Variants in SOX6 observed in about 807,000 individuals in gnomAD.
SOX6 encodes the protein SRY-box transcription factor 6, also known as transcription factor SOX-6.
SOX6 carries 11 observed loss-of-function variants against 97.8 expected under a neutral mutation model. The observed-to-expected ratio is 0.11, with a 90% CI of 0.07 to 0.19. The LOEUF (loss-of-function observed/expected upper bound fraction) is 0.19, where lower values mean the gene tolerates loss of function less well. Ranked by LOEUF, SOX6 falls within the 10% of genes least tolerant of loss-of-function variation. The pLI is 1.00. For synonymous variants in SOX6, 360 were observed against 371.4 expected (o/e 0.97, Z 0.35); for missense variants, 810 against 1,039.5 (o/e 0.78, Z 3.04).
chr11:16,520,572 C>A (rs1412299156), intron 4 of SOX6, among the ~76,000 whole-genome samples: 1 of 152,194 alleles, frequency 6.6e-6, no homozygotes, highest in Non-Finnish European at 1.5e-5. Flanking sequence ...GTGATTTCTG[C>A]ATTTCCATCT....
chr11:16,215,345 T>A (rs1852344418), intron 4 of SOX6, among the ~76,000 whole-genome samples: 2 of 152,202 alleles, frequency 1.3e-5, no homozygotes, highest in Admixed American at 1.3e-4. Flanking sequence ...ATGACAATCT[T>A]CCTTTAACTA....
At chr11:16,711,751 A>C (rs1310780534) in intron 3 of SOX6, among the ~76,000 whole-genome samples, 1 of 151,906 alleles carries the variant, frequency 6.6e-6, no homozygotes, top group African/African-American at 2.4e-5. Flanking sequence ...ATTGGGGTAC[A>C]GGTGGTATTT....
chr11:16,270,646 C>CACACAA (rs1854226061), intron 3 of SOX6, among the ~76,000 whole-genome samples: 1 of 55,168 alleles, frequency 1.8e-5, no homozygotes, highest in African/African-American at 6.8e-5. Flanking sequence ...ATAACACACA[C>CACACAA]ACACACAAAC....
intron 3 of SOX6, among the ~76,000 whole-genome samples, chr11:16,617,925 C>T (rs540882708): frequency 6.6e-6 from 1 of 151,946 alleles, no homozygotes; most frequent in Non-Finnish European, 1.5e-5. Flanking sequence ...ATTATGGATG[C>T]TCTTTCTGTT....
intron 12 of SOX6, 43 bp from the exon 13 acceptor site, chr11:16,015,093 C>T: frequency 6.5e-7 from 1 of 1,547,028 alleles, no homozygotes; most frequent in Non-Finnish European, 8.9e-7. Context: ...GTTTCCAAAA[C>T]AGCCACCATT....
intron 10 of SOX6, 48 bp from the exon 11 acceptor site, chr11:16,049,986 GCACATTATCACTTAGTAAGC>G (rs756774385): frequency 1.3e-5 from 20 of 1,593,744 alleles, no homozygotes; most frequent in Non-Finnish European, 1.7e-5. Flanking sequence ...GACAAATGAA[GCACATTATCACTTAGTAAGC>G]CACAGTTATT....
chr11:16,368,337 C>G (rs1481998874), intron 1 of SOX6, among the ~76,000 whole-genome samples: 1 of 152,094 alleles, frequency 6.6e-6, no homozygotes, highest in African/African-American at 2.4e-5. Context: ...CAAATGTTGG[C>G]TAGGCATGGT....
At chr11:16,090,203 T>G (rs1230395223) in intron 9 of SOX6, among the ~76,000 whole-genome samples, 1 of 152,068 alleles carries the variant, frequency 6.6e-6, no homozygotes, top group African/African-American at 2.4e-5. Context: ...TAAATGACTG[T>G]TGACAAAAAT....
intron 13 of SOX6, among the ~76,000 whole-genome samples, chr11:16,012,570 G>C (rs1854763621): frequency 1.3e-5 from 2 of 151,988 alleles, no homozygotes; most frequent in African/African-American, 4.8e-5. Flanking sequence ...CATGAGAGCT[G>C]GTGTATGGCA....
At chr11:16,055,673 C>G (rs1451413729) in intron 10 of SOX6, 79 bp downstream of exon 10, 1 of 1,570,938 alleles carries the variant, frequency 6.4e-7, no homozygotes, top group African/African-American at 1.3e-5. Context: ...GCTGTTTATG[C>G]CCAACATAGC....
At chr11:16,198,192 T>G (rs1017834942) in intron 4 of SOX6, among the ~76,000 whole-genome samples, 2 of 151,150 alleles carry the variant, frequency 1.3e-5, no homozygotes, top group Non-Finnish European at 2.9e-5. Context: ...TAGCTGGGAT[T>G]ACAGGCGCCT....
At chr11:16,315,728 A>G (rs1372400720) in intron 3 of SOX6, 1 of 152,314 alleles carries the variant, frequency 6.6e-6, no homozygotes, top group East Asian at 1.9e-4. Context: ...GAAGCTAGAC[A>G]GTATAAACCC....
At chr11:16,515,373 T>C (rs1385269554) in intron 4 of SOX6, among the ~76,000 whole-genome samples, 10 of 148,732 alleles carry the variant, frequency 6.7e-5, no homozygotes, top group African/African-American at 2.2e-4. Flanking sequence ...TCATGTCCTT[T>C]GCCCACTTTT....
intron 6 of SOX6, among the ~76,000 whole-genome samples, chr11:16,114,865 G>A (rs1849309813): frequency 6.6e-6 from 1 of 150,820 alleles, no homozygotes; most frequent in Non-Finnish European, 1.5e-5. Context: ...AACAGAAAAA[G>A]GTCAATAGCA....
intron 12 of SOX6, among the ~76,000 whole-genome samples, chr11:16,017,588 GATGTCTAC>G (rs1481692583): frequency 1.3e-5 from 2 of 152,044 alleles, no homozygotes; most frequent in Non-Finnish European, 2.9e-5. Flanking sequence ...AAGAGGGCCT[GATGTCTAC>G]AAGTTACGTC....
At chr11:16,599,070 T>C (rs1179202888) in intron 4 of SOX6, among the ~76,000 whole-genome samples, 1 of 152,176 alleles carries the variant, frequency 6.6e-6, no homozygotes, top group Non-Finnish European at 1.5e-5. Flanking sequence ...GTATCATCAT[T>C]GAAGAGCATC....
At chr11:16,639,753 T>G (rs201371064) in intron 3 of SOX6, among the ~76,000 whole-genome samples, 2 of 152,212 alleles carry the variant, frequency 1.3e-5, no homozygotes, top group African/African-American at 4.8e-5. Flanking sequence ...TTTTGCACAT[T>G]GATTTTGTAT....
chr11:16,720,268 C>CAATAGCAAAGACTTGG (rs1848250178), intron 2 of SOX6, among the ~76,000 whole-genome samples: 2 of 145,624 alleles, frequency 1.4e-5, no homozygotes, highest in African/African-American at 5.1e-5. Flanking sequence ...GCACTATTCA[C>CAATAGCAAAGACTTGG]AATAGCAAAG....
chr11:16,050,074 T>C, intron 10 of SOX6, 136 bp from the exon 11 acceptor site: 2 of 877,940 alleles, frequency 2.3e-6, no homozygotes, highest in Non-Finnish European at 3.7e-6. Context: ...AAGCTAATTA[T>C]CTACCTCCTT....
Sources: allele counts gnomAD v4.1 joint callset (sites outside exome capture counted in the v4.1 genomes callset), GRCh38; gene constraint gnomAD v4.1.1; transcripts MANE v1.5; gene names NCBI Gene and HGNC (gene_info 2026-07-23, HGNC 2026-07-21).